The following XRN2 variants were observed in gnomAD, a reference collection of about 807,000 sequenced individuals.
XRN2 encodes DHM1-like protein.
In XRN2, 44 loss-of-function variants were observed where a neutral mutation model predicts 138.5. That is an observed-to-expected ratio of 0.32 (90% CI 0.25 to 0.41). The LOEUF (loss-of-function observed/expected upper bound fraction) is 0.41, where lower values mean the gene tolerates loss of function less well. Ranked by LOEUF, XRN2 falls within the 10% of genes least tolerant of loss-of-function variation. The probability of loss-of-function intolerance (pLI) is 1.00; values close to 1 mark genes in which losing one functional copy is unlikely to be tolerated. For synonymous variants in XRN2, 354 were observed against 369.4 expected (o/e 0.96, Z 0.48); for missense variants, 937 against 1,169.3 (o/e 0.80, Z 2.90).
chr20:21,384,397 C>T (rs1486795805), intron 28 of XRN2, among the ~76,000 whole-genome samples: 1 of 152,206 alleles, frequency 6.6e-6, no homozygotes, highest in Non-Finnish European at 1.5e-5. Context: ...TTCACATCTC[C>T]AGTAACTTTC....
chr20:21,303,547 C>T lies in XRN2; in HGVS notation c.75+74C>T, dbSNP rs548520483. On this transcript the variant is annotated intron_variant, in intron 1 of 29. Coordinates refer to ENST00000377191, the MANE Select transcript of XRN2 (RefSeq NM_012255.5). ...CGTCTAGGCCGCGGCCCATGGGCTC[C>T]GCCGCCTGCCCCCGGGGAGCCTTGC... is the stretch of plus-strand genomic sequence containing the variant. The T allele has an allele frequency of 5.9e-5, 86 of 1,448,730 alleles. 2 individuals are homozygous for T. The Middle Eastern group carries it at 7.5e-4, about 13-fold the overall frequency. 89.7% of individuals were successfully genotyped at this position (1,448,730 alleles called of 1,614,324 possible). A position where few individuals can be genotyped will look rare whatever the true frequency, so the allele number is the denominator to read the frequency against.
At chr20:21,314,372 A>G (rs8114119) in intron 1 of XRN2, among the ~76,000 whole-genome samples, 48 of 152,350 alleles carry the variant, frequency 3.2e-4, no homozygotes, top group African/African-American at 9.9e-4. Flanking sequence ...TGTTTTGGCT[A>G]TTATGAATAA....
chr20:21,381,015 T>C (rs1316474998), intron 27 of XRN2, among the ~76,000 whole-genome samples: 1 of 152,240 alleles, frequency 6.6e-6, no homozygotes, highest in Non-Finnish European at 1.5e-5. Context: ...TAAAGCATGA[T>C]TCTACTTTTT....
In XRN2 at chr20:21,326,557, A is replaced by G. The variant is rs2038131503; in HGVS notation, c.271A>G (p.Ile91Val). Residue 91 changes from isoleucine (I) to valine (V), a missense_variant, in exon 3 of 30, where the codon ATT becomes GTT. Ile to Val is a conservative substitution (Grantham distance 29). Around this residue, in one of 6 missense-constraint regions of XRN2, gnomAD observed 51 missense variants for 93.5 expected, o/e 0.55. Transcript: ENST00000377191. Reference sequence around the variant, plus strand: ...TGAGTACATTGACAGACTTTTCAGTATTGTAAGACCAAGAAGACTTCTCTA... The same window carrying G: ...TGAGTACATTGACAGACTTTTCAGTGTTGTAAGACCAAGAAGACTTCTCTA... Reference protein sequence around the residue: ...IFEYIDRLFSIVRPRRLLYMA... With the variant: ...IFEYIDRLFSVVRPRRLLYMA... The G allele has an allele frequency of 6.2e-7, 1 of 1,614,080 alleles. No individual in the cohort carries two copies. The highest frequency in any genetic ancestry group is 8.5e-7 in the Non-Finnish European group (1 of 1,179,980).
chr20:21,363,495 A>C (rs986399492), intron 24 of XRN2, among the ~76,000 whole-genome samples: 1 of 152,172 alleles, frequency 6.6e-6, no homozygotes, highest in African/African-American at 2.4e-5. Flanking sequence ...TGCCTGTCCT[A>C]CCTTGCCCTG....
At chr20:21,357,585 T>G in intron 23 of XRN2, 151 bp from the exon 24 acceptor site, 3 of 530,696 alleles carry the variant, frequency 5.7e-6, no homozygotes, top group South Asian at 4.2e-5. Context: ...TACTCTTTTT[T>G]TTTAAGATAT....
chr20:21,362,442 T>C (rs2038647885), intron 24 of XRN2, among the ~76,000 whole-genome samples: 1 of 152,154 alleles, frequency 6.6e-6, no homozygotes, highest in Non-Finnish European at 1.5e-5. Context: ...GAGCTCGATC[T>C]CCATTCTAGT....
chr20:21,328,505 G>T, intron 3 of XRN2, 54 bp from the exon 4 acceptor site: 1 of 1,513,586 alleles, frequency 6.6e-7, no homozygotes, highest in Non-Finnish European at 9.1e-7. Flanking sequence ...ATAAGGTACA[G>T]ATTTATTTGT....
chr20:21,350,524 T>TTA (rs1448898590), intron 20 of XRN2, among the ~76,000 whole-genome samples: 4 of 7,408 alleles, frequency 5.4e-4, no homozygotes, highest in African/African-American at 1.8e-3. Context: ...AGACTCCGTC[T>TTA]CAAAAAAAAA....
chr20:21,378,171 T>C (rs1269635346), intron 27 of XRN2, among the ~76,000 whole-genome samples: 1 of 152,236 alleles, frequency 6.6e-6, no homozygotes, highest in Admixed American at 6.5e-5. Flanking sequence ...CCTAGATGCT[T>C]ACAACTAAAA....
At chr20:21,304,044 T>C (rs563001086) in intron 1 of XRN2, among the ~76,000 whole-genome samples, 3 of 152,336 alleles carry the variant, frequency 2.0e-5, no homozygotes, top group African/African-American at 7.2e-5. Context: ...GGATGAGCGC[T>C]ATAGAATTCT....
At chr20:21,350,727 G>A (rs1463054308) in intron 20 of XRN2, among the ~76,000 whole-genome samples, 2 of 151,882 alleles carry the variant, frequency 1.3e-5, no homozygotes, top group African/African-American at 2.4e-5. Flanking sequence ...CCAATAAAAT[G>A]ACTTACGGAG....
intron 20 of XRN2, among the ~76,000 whole-genome samples, chr20:21,354,242 A>C (rs1274727860): frequency 6.6e-6 from 1 of 152,158 alleles, no homozygotes; most frequent in East Asian, 1.9e-4. Context: ...AAGTCTTTAA[A>C]ATTTTTTTGT....
chr20:21,303,845 C>T, intron 1 of XRN2: 1 of 1,027,858 alleles, frequency 9.7e-7, no homozygotes, highest in Non-Finnish European at 1.2e-6. Flanking sequence ...CAATGCATGC[C>T]AGGTCAGCTG....
intron 28 of XRN2, among the ~76,000 whole-genome samples, 187 bp downstream of exon 28, chr20:21,382,244 A>C (rs889574244): frequency 6.6e-6 from 1 of 152,162 alleles, no homozygotes; most frequent in African/African-American, 2.4e-5. Context: ...CTCATGTTTA[A>C]TATACTTTCT....
intron 19 of XRN2, among the ~76,000 whole-genome samples, chr20:21,348,870 C>T (rs771975458): frequency 2.6e-5 from 4 of 152,114 alleles, no homozygotes; most frequent in African/African-American, 4.8e-5. Context: ...GTCTTGATCT[C>T]GTGACCTCGT....
rs2037808063 is a variant in XRN2 at position 21,305,779 on chromosome 20, T to C, written c.75+2306T>C. On this transcript the variant is annotated intron_variant, in intron 1 of 29. Transcript: ENST00000377191. The stretch of plus-strand genomic sequence containing the variant: ...TTTTTTTTTTGAGACGGAGCCTCGC[T>C]CTGTCTCCCAGGCTGGAGTGCAGTG... Among the ~76,000 whole-genome samples, 2 of 62,806 alleles carry C rather than the reference T, an allele frequency of 3.2e-5. 1 individual carries two copies. The highest frequency in any genetic ancestry group is 7.1e-5 in the Non-Finnish European group (2 of 27,982). The allele number at this position is 62,806 out of a possible 152,430, so 41.2% of individuals were successfully genotyped here. A position where few individuals can be genotyped will look rare whatever the true frequency, so the allele number is the denominator to read the frequency against.
At chr20:21,304,013 G>A (rs2037779465) in intron 1 of XRN2, among the ~76,000 whole-genome samples, 1 of 152,216 alleles carries the variant, frequency 6.6e-6, no homozygotes. Flanking sequence ...ATTGGACGCT[G>A]AAAGCAGTAT....
chr20:21,303,509 C>T (rs1326836036), intron 1 of XRN2, 36 bp downstream of exon 1: 5 of 1,533,218 alleles, frequency 3.3e-6, no homozygotes, highest in Non-Finnish European at 3.5e-6. Context: ...CACTCGAGCC[C>T]GGGCCCCCGG....
Sources: gnomAD v4.1 joint callset for allele counts (sites outside exome capture counted in the v4.1 genomes callset) on GRCh38, gnomAD v4.1.1 for gene constraint, gnomAD v4.1.1 regional missense constraint, MANE v1.5 for transcripts, NCBI Gene and HGNC (gene_info 2026-07-23, HGNC 2026-07-21) for gene names.